The following PIEZO2 variants were observed in gnomAD, a reference collection of about 807,000 sequenced individuals.
PIEZO2 encodes piezo type mechanosensitive ion channel component 2, also known as piezo-type mechanosensitive ion channel component 2.
PIEZO2 carries 172 observed loss-of-function variants against 337.3 expected under a neutral mutation model. The ratio of observed to expected loss-of-function variants is 0.51; its 90% CI spans 0.45 to 0.58. The LOEUF (loss-of-function observed/expected upper bound fraction) is 0.58, where lower values mean the gene tolerates loss of function less well. Ranked by LOEUF, PIEZO2 falls within the 20% of genes least tolerant of loss-of-function variation. PIEZO2 has a pLI of 0.00. For missense variants in PIEZO2, 3,028 were observed against 3,391.3 expected (o/e 0.89, Z 2.66); for synonymous variants, 1,251 against 1,228.5 (o/e 1.02, Z -0.38).
chr18:10,976,467 T>C (rs765640903), intron 3 of PIEZO2, among the ~76,000 whole-genome samples: 11 of 152,320 alleles, frequency 7.2e-5, no homozygotes, highest in Admixed American at 4.6e-4. Flanking sequence ...CCCTTCTCTA[T>C]TGGTTACTTC....
At position 11,111,271 on chromosome 18, in the gene PIEZO2, G is replaced by A. The variant is rs1030553831; in HGVS notation, c.64+37254C>T. Among the ~76,000 whole-genome samples, 3 of 152,082 alleles carry A rather than the reference G, an allele frequency of 2.0e-5. No homozygotes were observed. The highest frequency in any genetic ancestry group is 1.3e-4 in the Admixed American group (2 of 15,274). On this transcript the variant is annotated intron_variant, in intron 1 of 55. Coordinates refer to ENST00000674853, the MANE Select transcript of PIEZO2 (RefSeq NM_001378183.1). The surrounding 1 kb of genome is among the most constrained non-coding windows in gnomAD (Gnocchi z 6.2). ...GTCTGTGAGAACTTCCCTGGCCTTCGTTTCCCATCCCTTTCAACAGTGGTA... is the reference window on the plus strand; with the variant it reads ...GTCTGTGAGAACTTCCCTGGCCTTCATTTCCCATCCCTTTCAACAGTGGTA...
intron 7 of PIEZO2, among the ~76,000 whole-genome samples, chr18:10,835,627 T>C (rs1029368219): frequency 2.0e-5 from 3 of 151,788 alleles, no homozygotes; most frequent in African/African-American, 7.3e-5. Context: ...CACTGCTGCC[T>C]CTGTCTCCTG....
chr18:10,919,625 T>C (rs2031253574), intron 3 of PIEZO2, among the ~76,000 whole-genome samples: 2 of 152,138 alleles, frequency 1.3e-5, no homozygotes, highest in East Asian at 1.9e-4. Flanking sequence ...CATCTATGCA[T>C]GGAGGGTACT....
intron 14 of PIEZO2, among the ~76,000 whole-genome samples, chr18:10,790,430 T>G (rs777257127): frequency 4.6e-5 from 7 of 152,212 alleles, no homozygotes; most frequent in Admixed American, 6.5e-5. Context: ...AAATTTACAT[T>G]TATTGGCATA....
At chr18:10,762,393 GA>G in intron 23 of PIEZO2, 106 bp downstream of exon 23, 9 of 1,339,944 alleles carry the variant, frequency 6.7e-6, no homozygotes, top group Non-Finnish European at 8.9e-6. Flanking sequence ...TCCCACATGA[GA>G]AGATATGGTT....
chr18:10,897,061 T>A lies in PIEZO2; in HGVS notation c.329+14125A>T, dbSNP rs201302982. On this transcript the variant is annotated intron_variant, in intron 4 of 55. Coordinates refer to ENST00000674853, the MANE Select transcript of PIEZO2 (RefSeq NM_001378183.1). ...AATGAAAAAGTAAAAATGCTAAACA[T>A]CACTGCCTACTCTGATAACCACACT... 1.3e-5 allele frequency among the ~76,000 whole-genome samples: 2 copies of A among 152,182 alleles called. 1 individual carries two copies. Among genetic ancestry groups the A allele is most frequent in the East Asian group, 3.8e-4 (2 of 5,202 alleles).
At chr18:10,860,221 G>A (rs916988208) in intron 5 of PIEZO2, among the ~76,000 whole-genome samples, 2 of 152,176 alleles carry the variant, frequency 1.3e-5, no homozygotes, top group Non-Finnish European at 1.5e-5. Context: ...TCAGTAGCCT[G>A]TTGAGGTTAC....
intron 4 of PIEZO2, among the ~76,000 whole-genome samples, chr18:10,886,487 C>CATATATATATATATGT: frequency 1.5e-4 from 7 of 45,880 alleles, no homozygotes; most frequent in African/African-American, 2.9e-4. Context: ...ATATCCAAAC[C>CATATATATATATATGT]ATATATATAT....
At chr18:10,849,337 G>A (rs373226501) in intron 7 of PIEZO2, among the ~76,000 whole-genome samples, 2 of 152,264 alleles carry the variant, frequency 1.3e-5, no homozygotes, top group African/African-American at 4.8e-5. Context: ...AATTTCTTTA[G>A]GTATCTTCTT....
At chr18:10,770,416 A>C in intron 20 of PIEZO2, 108 bp from the exon 21 acceptor site, 1 of 1,174,098 alleles carries the variant, frequency 8.5e-7, no homozygotes, top group Non-Finnish European at 1.2e-6. Flanking sequence ...AAATAATTAC[A>C]GTGGATGAAT....
rs2033946552 is a variant in PIEZO2, at chr18:10,965,185, T to C, written c.286+14350A>G. On this transcript the variant is annotated intron_variant, in intron 3 of 55. Coordinates refer to ENST00000674853, the MANE Select transcript of PIEZO2 (RefSeq NM_001378183.1). Reference sequence around the variant, plus strand: ...ATTGTTAGATCATGTGGCAGTTCTATGTTTAATTTTTTGAAGAACCACCAA... The same window carrying C: ...ATTGTTAGATCATGTGGCAGTTCTACGTTTAATTTTTTGAAGAACCACCAA... Among the ~76,000 whole-genome samples, 3 of 151,700 alleles carry C rather than the reference T, an allele frequency of 2.0e-5. No homozygotes were observed. The South Asian group carries it at 6.2e-4, about 31-fold the overall frequency.
At chr18:10,985,573 G>T (rs2034839373) in intron 2 of PIEZO2, among the ~76,000 whole-genome samples, 1 of 152,042 alleles carries the variant, frequency 6.6e-6, no homozygotes, top group South Asian at 2.1e-4. Context: ...GTAGCATGGT[G>T]TTTTAATTAC....
chr18:11,005,053 C>T (rs763572491), intron 2 of PIEZO2, among the ~76,000 whole-genome samples: 7 of 152,198 alleles, frequency 4.6e-5, no homozygotes, highest in Non-Finnish European at 8.8e-5. Flanking sequence ...TATATGTTGG[C>T]AAGAACATTC....
At chr18:10,958,026 GAA>G (rs1271203857) in intron 3 of PIEZO2, among the ~76,000 whole-genome samples, 1 of 152,168 alleles carries the variant, frequency 6.6e-6, no homozygotes, top group East Asian at 1.9e-4. Flanking sequence ...ATGTTGGAAA[GAA>G]TGTGGAGGAA....
At chr18:10,866,509 T>A (rs1388395041) in intron 5 of PIEZO2, among the ~76,000 whole-genome samples, 3 of 152,160 alleles carry the variant, frequency 2.0e-5, no homozygotes, top group Non-Finnish European at 4.4e-5. Flanking sequence ...ATGGTCTCAA[T>A]ATCCCGACCT....
Position 10,872,890 on chromosome 18 carries a change from C to T in PIEZO2, c.330-1475G>A, listed in dbSNP as rs1297587017. On this transcript the variant is annotated intron_variant, in intron 4 of 55. Coordinates refer to ENST00000674853, the MANE Select transcript of PIEZO2 (RefSeq NM_001378183.1). This position sits in a 1 kb window ranked among gnomAD's most constrained non-coding sequence, Gnocchi z 4.3. ...CAGGTAGAGGAGTCAAGAGTCTGTA[C>T]CAGCATTAAAACTTCTGGGGAAGAT... is the stretch of plus-strand genomic sequence containing the variant. Among the ~76,000 whole-genome samples, 2 of 151,864 alleles carry T rather than the reference C, an allele frequency of 1.3e-5. No homozygotes were observed. Among genetic ancestry groups the T allele is most frequent in the Non-Finnish European group, 2.9e-5 (2 of 67,960 alleles).
rs2031955175 is a variant in PIEZO2, at chr18:10,929,501, G to T, written c.287-18273C>A. Among the ~76,000 whole-genome samples the T allele has an allele frequency of 6.6e-6, 1 of 152,150 alleles. No individual in the cohort carries two copies. Among genetic ancestry groups the T allele is most frequent in the South Asian group, 2.1e-4 (1 of 4,826 alleles). ...GTTGCTTGCTGTAAACAAAAATTTT[G>T]CATTTCAAAAGTTGCATGTTGAGAC... is the stretch of plus-strand genomic sequence containing the variant. On this transcript the variant is annotated intron_variant, in intron 3 of 55. Coordinates refer to ENST00000674853, the MANE Select transcript of PIEZO2 (RefSeq NM_001378183.1). The surrounding 1 kb of genome is among the most constrained non-coding windows in gnomAD (Gnocchi z 5.6).
At position 10,805,342 on chromosome 18, in the gene PIEZO2, C is replaced by T. The variant is rs992681377; in HGVS notation, c.1081-1348G>A. Among the ~76,000 whole-genome samples the T allele has an allele frequency of 2.2e-4, 33 of 152,106 alleles. 1 individual carries two copies. Among genetic ancestry groups the T allele is most frequent in the Non-Finnish European group, 1.5e-5 (1 of 68,024 alleles). On this transcript the variant is annotated intron_variant, in intron 8 of 55. Coordinates refer to ENST00000674853, the MANE Select transcript of PIEZO2 (RefSeq NM_001378183.1). Reference sequence around the variant, plus strand: ...CAGCCTGGCCAACATGGCGAAACCCCGTCTCTACTAAAAATACAAAAAAAT... The same window carrying T: ...CAGCCTGGCCAACATGGCGAAACCCTGTCTCTACTAAAAATACAAAAAAAT...
intron 33 of PIEZO2, chr18:10,739,967 T>G (rs1314997785): frequency 6.6e-6 from 1 of 152,210 alleles, no homozygotes; most frequent in Non-Finnish European, 1.5e-5. Flanking sequence ...TCTACTTTAT[T>G]TGATTTCCTA....
Sources: gnomAD v4.1 joint callset for allele counts (sites outside exome capture counted in the v4.1 genomes callset) on GRCh38, gnomAD v4.1.1 for gene constraint, Gnocchi (gnomAD v3.1) non-coding constraint, MANE v1.5 for transcripts, NCBI Gene and HGNC (gene_info 2026-07-23, HGNC 2026-07-21) for gene names.